SCD5: variants seen among roughly 807,000 people sequenced by gnomAD.
SCD5 encodes stearoyl-CoA desaturase 5.
A neutral mutation model predicts 30.4 loss-of-function variants in SCD5; 20 were observed. The observed-to-expected ratio is 0.66, with a 90% CI of 0.46 to 0.96. The LOEUF (loss-of-function observed/expected upper bound fraction) is 0.96. Among genes scored for constraint, SCD5 ranks in the 40% least tolerant of loss-of-function variants. The pLI is 0.00. For missense variants in SCD5, 381 were observed against 443.3 expected (o/e 0.86, Z 1.26); for synonymous variants, 173 against 176.4 (o/e 0.98, Z 0.16).
At chr4:82,779,769 T>C (rs1721830036) in intron 1 of SCD5, among the ~76,000 whole-genome samples, 1 of 152,250 alleles carries the variant, frequency 6.6e-6, no homozygotes, top group Non-Finnish European at 1.5e-5. Flanking sequence ...TGTCATTCCT[T>C]ACCCAAAACC....
intron 1 of SCD5, among the ~76,000 whole-genome samples, chr4:82,750,925 C>A (rs1053627647): frequency 6.6e-6 from 1 of 152,164 alleles, no homozygotes; most frequent in African/African-American, 2.4e-5. Flanking sequence ...GCAAGTCAGC[C>A]CAGGCTAGGC....
chr4:82,774,387 T>C (rs934689093), intron 1 of SCD5, among the ~76,000 whole-genome samples: 3 of 152,126 alleles, frequency 2.0e-5, no homozygotes, highest in Non-Finnish European at 2.9e-5. Context: ...AACAAGGTTA[T>C]AGTATAATTG....
intron 1 of SCD5, among the ~76,000 whole-genome samples, chr4:82,754,150 C>A (rs141665194): frequency 6.6e-6 from 1 of 152,086 alleles, no homozygotes; most frequent in Non-Finnish European, 1.5e-5. Context: ...AAACTTATCT[C>A]CCCGTTTTGC....
intron 3 of SCD5, among the ~76,000 whole-genome samples, chr4:82,672,582 G>A (rs191378066): frequency 1.9e-3 from 285 of 152,146 alleles, no homozygotes; most frequent in Admixed American, 6.2e-3. Flanking sequence ...GGCCAAGATG[G>A]TTCTATTTTG....
intron 3 of SCD5, among the ~76,000 whole-genome samples, chr4:82,674,044 A>G (rs993571413): frequency 2.6e-5 from 4 of 152,180 alleles, no homozygotes; most frequent in African/African-American, 9.6e-5. Flanking sequence ...ACAAAACTAC[A>G]AAACTTCTAG....
intron 1 of SCD5, among the ~76,000 whole-genome samples, chr4:82,752,849 C>T (rs17354106): frequency 0.041 from 6,292 of 152,268 alleles, 221 homozygotes; most frequent in Admixed American, 0.11. Context: ...ATCCTACCCA[C>T]CAAATACTGC....
chr4:82,633,199 T>C (rs1727357716), intron 4 of SCD5, among the ~76,000 whole-genome samples: 1 of 150,460 alleles, frequency 6.6e-6, no homozygotes, highest in Non-Finnish European at 1.5e-5. Flanking sequence ...TCGTTCAACT[T>C]TTTTAGATTC....
At chr4:82,711,406 G>A (rs1396736535) in intron 1 of SCD5, among the ~76,000 whole-genome samples, 2 of 152,150 alleles carry the variant, frequency 1.3e-5, no homozygotes, top group African/African-American at 2.4e-5. Flanking sequence ...CACAATGCAC[G>A]GAAGCTGCCT....
At chr4:82,665,716 A>C (rs1578012323) in intron 3 of SCD5, among the ~76,000 whole-genome samples, 1 of 152,312 alleles carries the variant, frequency 6.6e-6, no homozygotes, top group East Asian at 1.9e-4. Flanking sequence ...GGCAGAAGGA[A>C]GATATCAAGT....
intron 1 of SCD5, among the ~76,000 whole-genome samples, chr4:82,753,668 A>G (rs1721157502): frequency 6.6e-6 from 1 of 152,108 alleles, no homozygotes; most frequent in South Asian, 2.1e-4. Flanking sequence ...TATGTAACCA[A>G]TGATATTTCT....
At chr4:82,717,937 A>T (rs1004804716) in intron 1 of SCD5, among the ~76,000 whole-genome samples, 5 of 145,658 alleles carry the variant, frequency 3.4e-5, no homozygotes, top group Non-Finnish European at 7.4e-5. Context: ...AAAATAAAAT[A>T]AAAAGTTGGT....
chr4:82,795,355 T>C (rs1578071846), intron 1 of SCD5, among the ~76,000 whole-genome samples: 1 of 152,056 alleles, frequency 6.6e-6, no homozygotes, highest in Non-Finnish European at 1.5e-5. Context: ...ACATAACCAG[T>C]AGGGAGGTGG....
chr4:82,694,152 G>T (rs1162137159), intron 2 of SCD5, among the ~76,000 whole-genome samples: 4 of 152,202 alleles, frequency 2.6e-5, no homozygotes, highest in Non-Finnish European at 5.9e-5. Flanking sequence ...GGGTCCCACA[G>T]TTCTGAGTCT....
intron 3 of SCD5, among the ~76,000 whole-genome samples, chr4:82,658,874 T>C (rs1158130490): frequency 1.3e-5 from 2 of 152,092 alleles, no homozygotes; most frequent in Admixed American, 6.5e-5. Context: ...GGAGTCCCTC[T>C]TTTTCTATTG....
Position 82,636,758 on chromosome 4 carries a change from C to A in SCD5, c.635G>T (p.Trp212Leu), listed in dbSNP as rs761647882. Residue 212 changes from tryptophan (W) to leucine (L), a missense_variant, in exon 4 of 5, where the codon TGG becomes TTG. Transcript: ENST00000319540. The stretch of plus-strand genomic sequence containing the variant: ...GTAGGAATTCCACAGACTCTCTCCC[C>A]AGATGTACCAGGGCACCAGCGTGGG... ...VVPTLVPWYI[W>L]GESLWNSYFL... 1 of 1,614,248 alleles carries A rather than the reference C, an allele frequency of 6.2e-7. No individual in the cohort carries two copies. Among genetic ancestry groups the A allele is most frequent in the Non-Finnish European group, 8.5e-7 (1 of 1,180,040 alleles).
intron 2 of SCD5, among the ~76,000 whole-genome samples, chr4:82,694,658 T>C (rs556114562): frequency 1.6e-5 from 2 of 126,706 alleles, no homozygotes; most frequent in Middle Eastern, 3.7e-3. Flanking sequence ...TCAATAACTC[T>C]GCAGATCCAG....
chr4:82,680,693 G>A lies in SCD5; in HGVS notation c.569+14C>T, dbSNP rs1190260523. 27 of 1,613,188 alleles carry A rather than the reference G, an allele frequency of 1.7e-5. No homozygotes were observed. Among genetic ancestry groups the A allele is most frequent in the Non-Finnish European group, 2.2e-5 (26 of 1,179,318 alleles). On this transcript the variant is annotated intron_variant, in intron 3 of 4. Transcript: ENST00000319540. The stretch of plus-strand genomic sequence containing the variant: ...CCCCTGAGGGACAGCTCTCCGTCAT[G>A]CCCATTCACTTACTTTCTCTGGATC...
intron 1 of SCD5, among the ~76,000 whole-genome samples, chr4:82,784,906 C>T (rs536023224): frequency 2.8e-4 from 42 of 152,298 alleles, no homozygotes; most frequent in African/African-American, 7.0e-4. Context: ...GGATTGTTGG[C>T]GATTCCAGGA....
intron 4 of SCD5, among the ~76,000 whole-genome samples, chr4:82,634,995 T>C (rs774499424): frequency 1.3e-5 from 2 of 152,214 alleles, no homozygotes; most frequent in African/African-American, 4.8e-5. Flanking sequence ...GACAAGAACT[T>C]TGGGATCCCT....
Sources: allele counts gnomAD v4.1 joint callset (sites outside exome capture counted in the v4.1 genomes callset), GRCh38; gene constraint gnomAD v4.1.1; transcripts MANE v1.5; gene names NCBI Gene and HGNC (gene_info 2026-07-23, HGNC 2026-07-21).